ZNF853: variants seen among roughly 807,000 people sequenced by gnomAD.
The protein encoded by ZNF853 is zinc finger protein 853.
Under a neutral mutation model 94.7 loss-of-function variants are expected in ZNF853, and 57 were observed. The ratio of observed to expected loss-of-function variants is 0.60; its 90% CI spans 0.49 to 0.75. The LOEUF (loss-of-function observed/expected upper bound fraction) is 0.75. Ranked by LOEUF, ZNF853 falls within the 30% of genes least tolerant of loss-of-function variation. ZNF853 has a pLI of 0.00. For missense variants in ZNF853, 785 were observed against 868.9 expected (o/e 0.90, Z 1.21); for synonymous variants, 448 against 406.3 (o/e 1.10, Z -1.23).
At chr7:6,620,049 AC>A in intron 2 of ZNF853, among the ~76,000 whole-genome samples, 1 of 152,200 alleles carries the variant, frequency 6.6e-6, no homozygotes, top group Non-Finnish European at 1.5e-5. Flanking sequence ...GGCTCCAGGT[AC>A]TATGCCAGGG....
At chr7:6,616,716 CAG>C in intron 1 of ZNF853, among the ~76,000 whole-genome samples, 1 of 144,968 alleles carries the variant, frequency 6.9e-6, no homozygotes, top group East Asian at 2.0e-4. Flanking sequence ...GCCTGGGTGA[CAG>C]AGTGAGAATC....
Position 6,621,138 on chromosome 7 carries a change from CGA to C in ZNF853, c.151_152del (p.Gln52GlyfsTer25). On this transcript the variant is annotated frameshift_variant, in exon 3 of 3. Transcript: ENST00000457543. LOFTEE classifies it high-confidence loss of function. The stretch of plus-strand genomic sequence containing the variant: ...CTTCCACAGGTGGCAGCGGTGGGAG[CGA>C]GAGTCAGGAGGAGGAAGAGCCTCAG... The part of the protein sequence containing the change: ...DTLSGGSGGS[E>X]SQEEEEPQER... The C allele has an allele frequency of 6.8e-7, 1 of 1,465,872 alleles. No homozygotes were observed. Among genetic ancestry groups the C allele is most frequent in the Non-Finnish European group, 9.0e-7 (1 of 1,109,020 alleles). The allele number at this position is 1,465,872 out of a possible 1,614,324, so 90.8% of individuals were successfully genotyped here.
intron 1 of ZNF853, among the ~76,000 whole-genome samples, 200 bp downstream of exon 1, chr7:6,616,386 G>A: frequency 1.3e-5 from 2 of 152,182 alleles, no homozygotes; most frequent in Non-Finnish European, 2.9e-5. Flanking sequence ...CGGGAGCTGG[G>A]GTGGCAGCTG....
In ZNF853 at chr7:6,621,575, A is replaced by T. The variant is rs1351938296; in HGVS notation, c.584A>T (p.Gln195Leu). The change falls in exon 3 of 3, where the codon CAG (glutamine) becomes CTG (leucine). Residue 195 changes from glutamine (Q) to leucine (L), a missense_variant. Transcript: ENST00000457543. ...GTATTGCAGCAGCAGGAACAGCTAC[A>T]GCAGCAAGTGCAAGAGCAACAGCTG... is the stretch of plus-strand genomic sequence containing the variant. The part of the protein sequence containing the change: ...QQVLQQQEQL[Q>L]QQVQEQQLLQ... 9 of 1,551,670 alleles carry T rather than the reference A, an allele frequency of 5.8e-6. No individual in the cohort carries two copies. The South Asian group carries it at 1.1e-4, about 18-fold the overall frequency.
Position 6,616,055 on chromosome 7 carries a change from C to T in ZNF853, c.-120C>T, listed in dbSNP as rs895088705. On this transcript the variant is annotated 5_prime_UTR_variant, in exon 1 of 3. Transcript: ENST00000457543. ...AGAAAGCCCCCGGGGTGGCCCTGCG[C>T]CTCCTGGCTCTTTCTGGATGGAGGC... 47 of 988,508 alleles carry T rather than the reference C, an allele frequency of 4.8e-5. No homozygotes were observed. Among genetic ancestry groups the T allele is most frequent in the Admixed American group, 1.0e-4 (4 of 39,902 alleles). 61.2% of individuals were successfully genotyped at this position (988,508 alleles called of 1,614,324 possible). A position where few individuals can be genotyped will look rare whatever the true frequency, so the allele number is the denominator to read the frequency against.
rs1355794845 is a variant in ZNF853 at position 6,621,947 on chromosome 7, A to AGGTGGAGCTGGAGCTCATGCC, written c.963_983dup (p.Glu321_Val327dup). On this transcript the variant is annotated inframe_insertion, in exon 3 of 3. Transcript: ENST00000457543. ...CCCCTGGAGCCCGAGGAGGAGGAAG[A>AGGTGGAGCTGGAGCTCATGCC]GGTGGAGCTGGAGCTCATGCCGGTG... 9 of 1,551,102 alleles carry AGGTGGAGCTGGAGCTCATGCC rather than the reference A, an allele frequency of 5.8e-6. No individual in the cohort carries two copies. Among genetic ancestry groups the AGGTGGAGCTGGAGCTCATGCC allele is most frequent in the Non-Finnish European group, 7.0e-6 (8 of 1,146,992 alleles).
chr7:6,622,033 C>G lies in ZNF853; in HGVS notation c.1042C>G (p.Leu348Val). ...GCAGGAGTTGGAGCGGCAGCAGGAG[C>G]TGGAACGGCAGCAGGAGCAGCGGCA... ...QRQELERQQE[L>V]ERQQEQRQLQ... is the part of the protein sequence containing the mutation. The change falls in exon 3 of 3, where the codon CTG becomes GTG. Residue 348 changes from leucine to valine, a missense_variant. Coordinates refer to ENST00000457543, the MANE Select transcript of ZNF853 (RefSeq NM_017560.3). 6.5e-7 allele frequency: 1 copy of G among 1,548,704 alleles called. No homozygotes were observed. The highest frequency in any genetic ancestry group is 2.4e-5 in the East Asian group (1 of 40,900).
In ZNF853 at chr7:6,622,921, C is replaced by G; in HGVS notation, c.1930C>G (p.Arg644Gly). 8.0e-7 allele frequency: 1 copy of G among 1,248,614 alleles called. No individual in the cohort carries two copies. Among genetic ancestry groups the G allele is most frequent in the Non-Finnish European group, 1.0e-6 (1 of 998,444 alleles). The allele number at this position is 1,248,614 out of a possible 1,614,324, so 77.3% of individuals were successfully genotyped here. A position where few individuals can be genotyped will look rare whatever the true frequency, so the allele number is the denominator to read the frequency against. ...SRPAALGGPA[R>G]AEQAATATAP... ...GCCGGCGGCCCTCGGTGGCCCAGCCCGCGCGGAGCAGGCCGCTACAGCCAC... is the reference window on the plus strand; with the variant it reads ...GCCGGCGGCCCTCGGTGGCCCAGCCGGCGCGGAGCAGGCCGCTACAGCCAC... Residue 644 changes from arginine (R) to glycine (G), a missense_variant, in exon 3 of 3, where the codon CGC (arginine) becomes GGC (glycine). Arg to Gly is a moderately radical substitution (Grantham distance 125). Transcript: ENST00000457543.
At chr7:6,617,016 G>T in intron 1 of ZNF853, among the ~76,000 whole-genome samples, 174 bp from the exon 2 acceptor site, 1 of 152,164 alleles carries the variant, frequency 6.6e-6, no homozygotes, top group African/African-American at 2.4e-5. Context: ...CCTCCAGGCC[G>T]CCGGCACTCC....
rs1782493604 is a variant in ZNF853, at chr7:6,615,865, C to T, written c.-310C>T. On this transcript the variant is annotated 5_prime_UTR_variant, in exon 1 of 3. Coordinates refer to ENST00000457543, the MANE Select transcript of ZNF853 (RefSeq NM_017560.3). This position sits in a 1 kb window ranked among gnomAD's most constrained non-coding sequence, Gnocchi z 8.5. ...TGGATCCCGCTGCCCGCGATGGTCCCGGGGGGCCGGCCCTGAGCCCCGCGC... is the reference window on the plus strand; with the variant it reads ...TGGATCCCGCTGCCCGCGATGGTCCTGGGGGGCCGGCCCTGAGCCCCGCGC... The T allele has an allele frequency of 8.4e-6, 2 of 238,970 alleles. No homozygotes were observed. The highest frequency in any genetic ancestry group is 5.8e-5 in the Admixed American group (1 of 17,372). The allele number at this position is 238,970 out of a possible 1,614,324, so 14.8% of individuals were successfully genotyped here. A position where few individuals can be genotyped will look rare whatever the true frequency, so the allele number is the denominator to read the frequency against.
chr7:6,622,588 C>T lies in ZNF853; in HGVS notation c.1597C>T (p.Arg533Cys), dbSNP rs1661284844. The change falls in exon 3 of 3, where the codon CGC becomes TGC. Residue 533 changes from arginine to cysteine, a missense_variant. Arg to Cys is a radical substitution (Grantham distance 180, BLOSUM62 -3). Transcript: ENST00000457543. ...GCACTCGAATCTGGTGACGCACCAA[C>T]GCATCCACACGGGCGAGAAACCCTA... ...SQHSNLVTHQ[R>C]IHTGEKPYAC... is the part of the protein sequence containing the mutation. 3.2e-6 allele frequency: 5 copies of T among 1,576,664 alleles called. No homozygotes were observed. The highest frequency in any genetic ancestry group is 1.8e-5 in the Admixed American group (1 of 54,190).
In ZNF853 at chr7:6,623,772, T is replaced by A. The variant is rs1782693397; in HGVS notation, c.*801T>A. On this transcript the variant is annotated 3_prime_UTR_variant, in exon 3 of 3. Coordinates refer to ENST00000457543, the MANE Select transcript of ZNF853 (RefSeq NM_017560.3). Reference sequence around the variant, plus strand: ...GAGCCTGTGGCTGAAGCAGAGGGCCTTCTGGGAGAGCTCTCCAAGGTCTGG... The same window carrying A: ...GAGCCTGTGGCTGAAGCAGAGGGCCATCTGGGAGAGCTCTCCAAGGTCTGG... 1 of 154,966 alleles carries A rather than the reference T, an allele frequency of 6.5e-6. No individual in the cohort carries two copies. Among genetic ancestry groups the A allele is most frequent in the South Asian group, 2.1e-4 (1 of 4,850 alleles). 9.6% of individuals were successfully genotyped at this position (154,966 alleles called of 1,614,324 possible).
intron 2 of ZNF853, 37 bp downstream of exon 2, chr7:6,617,344 G>T: frequency 7.3e-7 from 1 of 1,374,374 alleles, no homozygotes; most frequent in Non-Finnish European, 9.6e-7. Context: ...AGAGCCTCAT[G>T]CCTGCCTGCT....
intron 1 of ZNF853, among the ~76,000 whole-genome samples, 190 bp downstream of exon 1, chr7:6,616,376 C>G: frequency 6.6e-6 from 1 of 152,112 alleles, no homozygotes; most frequent in Non-Finnish European, 1.5e-5. Context: ...CTGCCTTGCC[C>G]GGGAGCTGGG....
At chr7:6,617,662 G>A in intron 2 of ZNF853, 1 of 985,266 alleles carries the variant, frequency 1.0e-6, no homozygotes, top group East Asian at 1.1e-4. Flanking sequence ...ATCCGATTCA[G>A]GTACTAATAG....
intron 2 of ZNF853, chr7:6,617,763 C>A: frequency 2.2e-6 from 1 of 464,710 alleles, no homozygotes; most frequent in Non-Finnish European, 2.8e-6. Flanking sequence ...TTAGCTTGAC[C>A]TCTGCTTGCA....
At position 6,623,018 on chromosome 7, in the gene ZNF853, C is replaced by G; in HGVS notation, c.*47C>G. ...GGCCGGGAGGGGACCCCCCACCCGC[C>G]TCCACCTGAAAAGCTCCTTGACCCG... On this transcript the variant is annotated 3_prime_UTR_variant, in exon 3 of 3. Coordinates refer to ENST00000457543, the MANE Select transcript of ZNF853 (RefSeq NM_017560.3). 8.1e-7 allele frequency: 1 copy of G among 1,237,128 alleles called. No individual in the cohort carries two copies. The highest frequency in any genetic ancestry group is 1.0e-6 in the Non-Finnish European group (1 of 991,016). 76.6% of individuals were successfully genotyped at this position (1,237,128 alleles called of 1,614,324 possible). A position where few individuals can be genotyped will look rare whatever the true frequency, so the allele number is the denominator to read the frequency against.
rs1055066031 is a variant in ZNF853, at chr7:6,623,220, G to A, written c.*249G>A. On this transcript the variant is annotated 3_prime_UTR_variant, in exon 3 of 3. Transcript: ENST00000457543. ...GGGGCTGAAACAGCACACGGGACAC[G>A]TTTGTCTGCCCTTTGAGGGGTCTGC... 2.5e-6 allele frequency: 1 copy of A among 408,062 alleles called. No homozygotes were observed. Among genetic ancestry groups the A allele is most frequent in the Non-Finnish European group, 4.3e-6 (1 of 234,806 alleles). 25.3% of individuals were successfully genotyped at this position (408,062 alleles called of 1,614,324 possible). A position where few individuals can be genotyped will look rare whatever the true frequency, so the allele number is the denominator to read the frequency against.
rs1583431193 is a variant in ZNF853 at position 6,622,979 on chromosome 7, G to C, written c.*8G>C. 2.4e-6 allele frequency: 3 copies of C among 1,247,258 alleles called. No homozygotes were observed. The African/African-American group carries it at 4.7e-5, about 19-fold the overall frequency. The allele number at this position is 1,247,258 out of a possible 1,614,324, so 77.3% of individuals were successfully genotyped here. On this transcript the variant is annotated 3_prime_UTR_variant, in exon 3 of 3. Coordinates refer to ENST00000457543, the MANE Select transcript of ZNF853 (RefSeq NM_017560.3). ...GCAGACAAGGCGCTGTGAGGGCCGT[G>C]ATCGGGGCTGCCTGGCCGGGAGGGG...
Sources: gnomAD v4.1 joint callset for allele counts (sites outside exome capture counted in the v4.1 genomes callset) on GRCh38, gnomAD v4.1.1 for gene constraint, Gnocchi (gnomAD v3.1) non-coding constraint, MANE v1.5 for transcripts, NCBI Gene and HGNC (gene_info 2026-07-23, HGNC 2026-07-21) for gene names.